QSOX1: variants seen among roughly 807,000 people sequenced by gnomAD.
The protein encoded by QSOX1 is sulfhydryl oxidase 1.
A neutral mutation model predicts 76.1 loss-of-function variants in QSOX1; 40 were observed. The observed-to-expected ratio is 0.53, with a 90% CI of 0.41 to 0.68. The LOEUF (loss-of-function observed/expected upper bound fraction) is 0.68. Ranked by LOEUF, QSOX1 falls within the 30% of genes least tolerant of loss-of-function variation. QSOX1 has a pLI of 0.00. For missense variants in QSOX1, 931 were observed against 974.3 expected (o/e 0.96, Z 0.59); for synonymous variants, 392 against 413.1 (o/e 0.95, Z 0.62).
chr1:180,177,838 C>A (rs529490278), intron 4 of QSOX1, among the ~76,000 whole-genome samples: 23 of 151,516 alleles, frequency 1.5e-4, no homozygotes, highest in South Asian at 1.0e-3. Context: ...GGCTGGGCTC[C>A]AGCATCAATA....
chr1:180,182,437 C>A (rs1035209584), intron 6 of QSOX1, 118 bp downstream of exon 6: 1 of 1,388,086 alleles, frequency 7.2e-7, no homozygotes, highest in Non-Finnish European at 1.0e-6. Context: ...GAAGAGCCCC[C>A]TCAGGAGAAG....
chr1:180,193,419 C>T (rs998377786), intron 10 of QSOX1, among the ~76,000 whole-genome samples: 1 of 151,596 alleles, frequency 6.6e-6, no homozygotes, highest in East Asian at 2.0e-4. Flanking sequence ...CTGCGGGTCT[C>T]ACCTTGCCAG....
Position 180,201,265 on chromosome 1 carries a change from CTA to C in QSOX1, c.*4231_*4232del, listed in dbSNP as rs1663632449. ...ATTCTTGGCCAGAGGAAATCACAGC[CTA>C]TAAGATCAATATCCTGATAGAATCC... On this transcript the variant is annotated 3_prime_UTR_variant, in exon 12 of 12. Transcript: ENST00000367602. 1 of 152,180 alleles carries C rather than the reference CTA, an allele frequency of 6.6e-6. No individual in the cohort carries two copies. Among genetic ancestry groups the C allele is most frequent in the Non-Finnish European group, 1.5e-5 (1 of 68,052 alleles). 9.4% of individuals were successfully genotyped at this position (152,180 alleles called of 1,614,324 possible).
At position 180,175,903 on chromosome 1, in the gene QSOX1, C is replaced by T. The variant is rs1340736702; in HGVS notation, c.413-28C>T. 2.6e-6 allele frequency: 4 copies of T among 1,542,168 alleles called. No homozygotes were observed. The Middle Eastern group carries it at 5.0e-4, about 194-fold the overall frequency. ...TGGAAGCAGCTCTGCTCTCCTGACA[C>T]TCCGCTCACGCCTGTTTTCATTTAC... On this transcript the variant is annotated intron_variant, in intron 3 of 11. Transcript: ENST00000367602.
In QSOX1 at chr1:180,165,878, T is replaced by A. The variant is rs60368570; in HGVS notation, c.266-613T>A. ...GCCAGCAGCCTTGTGGCCCGGGGCC[T>A]GATGCAGGGGCCAGACTCTGGCCTC... On this transcript the variant is annotated intron_variant, in intron 1 of 11. Transcript: ENST00000367602. 4.7e-3 allele frequency among the ~76,000 whole-genome samples: 720 copies of A among 152,372 alleles called. 6 individuals carry two copies. Among genetic ancestry groups the A allele is most frequent in the African/African-American group, 0.016 (670 of 41,596 alleles).
At chr1:180,188,803 CT>C (rs903685112) in intron 8 of QSOX1, among the ~76,000 whole-genome samples, 1 of 152,242 alleles carries the variant, frequency 6.6e-6, no homozygotes, top group Non-Finnish European at 1.5e-5. Context: ...GTGGTTTTAT[CT>C]GATCAGCCTG....
chr1:180,175,299 C>T, intron 2 of QSOX1, 22 bp from the exon 3 acceptor site: 2 of 1,613,698 alleles, frequency 1.2e-6, no homozygotes, highest in South Asian at 2.2e-5. Context: ...TTACTGATGC[C>T]CACCTGTGTG....
rs371203767 is a variant in QSOX1, at chr1:180,175,413, C to T, written c.412+47C>T. 33 of 1,586,616 alleles carry T rather than the reference C, an allele frequency of 2.1e-5. No individual in the cohort carries two copies. The Admixed American group carries it at 2.7e-4, about 13-fold the overall frequency. ...TCCTGTTAGCATCTTCCTCCCCCAACCTCCCTCTTCACCTGGGTTTCTATT... is the reference window on the plus strand; with the variant it reads ...TCCTGTTAGCATCTTCCTCCCCCAATCTCCCTCTTCACCTGGGTTTCTATT... On this transcript the variant is annotated intron_variant, in intron 3 of 11. Coordinates refer to ENST00000367602, the MANE Select transcript of QSOX1 (RefSeq NM_002826.5).
chr1:180,156,026 A>G (rs569017754), intron 1 of QSOX1, among the ~76,000 whole-genome samples: 1 of 152,228 alleles, frequency 6.6e-6, no homozygotes, highest in Non-Finnish European at 1.5e-5. Flanking sequence ...AAACCACTAC[A>G]TGTATAAAGA....
At chr1:180,180,200 ATATT>A (rs1231195655) in intron 5 of QSOX1, among the ~76,000 whole-genome samples, 2 of 152,288 alleles carry the variant, frequency 1.3e-5, no homozygotes, top group Admixed American at 1.3e-4. Flanking sequence ...TAGGAGCTTT[ATATT>A]TATTTATTTA....
chr1:180,166,582 G>T lies in QSOX1; in HGVS notation c.357G>T (p.Pro119=), dbSNP rs759933269. The T allele has an allele frequency of 1.2e-6, 2 of 1,613,658 alleles. No individual in the cohort carries two copies. The highest frequency in any genetic ancestry group is 1.7e-6 in the Non-Finnish European group (2 of 1,179,806). ...GAGACTTCAACATCCCTGGCTTCCC[G>T]ACTGTGAGGGTGTGTGACTGACAGG... The part of the protein sequence containing the change: ...VCRDFNIPGF[P]TVRFFKAFTK... The change falls in exon 2 of 12, where the codon CCG becomes CCT. Residue 119 remains proline (P), a synonymous_variant. Coordinates refer to ENST00000367602, the MANE Select transcript of QSOX1 (RefSeq NM_002826.5).
At position 180,196,204 on chromosome 1, in the gene QSOX1, T is replaced by C; in HGVS notation, c.1469-58T>C. ...TGGCGTTCTGAGTGGAGGAGTGTGG[T>C]CTGGGTTTTTGGGTGGGACTGATGT... On this transcript the variant is annotated intron_variant, in intron 11 of 11. Coordinates refer to ENST00000367602, the MANE Select transcript of QSOX1 (RefSeq NM_002826.5). The surrounding 1 kb of genome is among the most constrained non-coding windows in gnomAD (Gnocchi z 4.1). The C allele has an allele frequency of 6.5e-7, 1 of 1,548,014 alleles. No individual in the cohort carries two copies. The highest frequency in any genetic ancestry group is 8.8e-7 in the Non-Finnish European group (1 of 1,142,178).
rs200373471 is a variant in QSOX1, at chr1:180,195,797, A to C, written c.1469-465A>C. Among the ~76,000 whole-genome samples, 4 of 152,366 alleles carry C rather than the reference A, an allele frequency of 2.6e-5. No individual in the cohort carries two copies. The East Asian group carries it at 7.7e-4, about 29-fold the overall frequency. Reference sequence around the variant, plus strand: ...TTCCCTTGAATTGACAAAGTAACCTATTTGTGCAGTTTGTATAATTTGGAA... The same window carrying C: ...TTCCCTTGAATTGACAAAGTAACCTCTTTGTGCAGTTTGTATAATTTGGAA... On this transcript the variant is annotated intron_variant, in intron 11 of 11. Transcript: ENST00000367602.
chr1:180,177,143 A>G (rs1355162969), intron 4 of QSOX1, among the ~76,000 whole-genome samples: 1 of 151,582 alleles, frequency 6.6e-6, no homozygotes, highest in Non-Finnish European at 1.5e-5. Flanking sequence ...CTGTGTTTCC[A>G]TCTCCCTCCT....
At chr1:180,186,989 A>G (rs989732046) in intron 8 of QSOX1, among the ~76,000 whole-genome samples, 2 of 152,178 alleles carry the variant, frequency 1.3e-5, no homozygotes, top group African/African-American at 2.4e-5. Context: ...GCTGAGTCAG[A>G]TGTGGCTCTG....
At chr1:180,169,437 C>T (rs1205427093) in intron 2 of QSOX1, among the ~76,000 whole-genome samples, 1 of 152,200 alleles carries the variant, frequency 6.6e-6, no homozygotes, top group Non-Finnish European at 1.5e-5. Flanking sequence ...AAATCCAGGC[C>T]TCTCTGCTTA....
chr1:180,166,735 G>T (rs975131923), intron 2 of QSOX1, 144 bp downstream of exon 2: 3 of 778,044 alleles, frequency 3.9e-6, no homozygotes, highest in Non-Finnish European at 6.4e-6. Flanking sequence ...TTGGGCTGGT[G>T]AGAGCTCCCA....
rs1361756105 is a variant in QSOX1 at position 180,183,589 on chromosome 1, C to T, written c.753-327C>T. On this transcript the variant is annotated intron_variant, in intron 6 of 11. Coordinates refer to ENST00000367602, the MANE Select transcript of QSOX1 (RefSeq NM_002826.5). ...ACACTCCGCCGTTCCTGTCTGTGGGCACCGGGCTGTCCCGTGCCTTTCCAT... is the reference window on the plus strand; with the variant it reads ...ACACTCCGCCGTTCCTGTCTGTGGGTACCGGGCTGTCCCGTGCCTTTCCAT... 2.0e-5 allele frequency among the ~76,000 whole-genome samples: 3 copies of T among 152,186 alleles called. No homozygotes were observed. The South Asian group carries it at 6.2e-4, about 32-fold the overall frequency.
Position 180,155,064 on chromosome 1 carries a change from G to A in QSOX1, c.157G>A (p.Ala53Thr). The A allele has an allele frequency of 6.6e-7, 1 of 1,513,444 alleles. No homozygotes were observed. Among genetic ancestry groups the A allele is most frequent in the East Asian group, 2.7e-5 (1 of 37,510 alleles). 93.8% of individuals were successfully genotyped at this position (1,513,444 alleles called of 1,614,324 possible). A position where few individuals can be genotyped will look rare whatever the true frequency, so the allele number is the denominator to read the frequency against. ...TLLQADTVRG[A>T]VLGSRSAWAV... ...GCTGCAGGCGGACACGGTGCGCGGC[G>A]CGGTGCTGGGCTCCCGCAGCGCCTG... The change falls in exon 1 of 12, where the codon GCG becomes ACG. Residue 53 changes from alanine (A) to threonine (T), a missense_variant. Transcript: ENST00000367602.
Sources: gnomAD v4.1 joint callset for allele counts (sites outside exome capture counted in the v4.1 genomes callset) on GRCh38, gnomAD v4.1.1 for gene constraint, Gnocchi (gnomAD v3.1) non-coding constraint, MANE v1.5 for transcripts, NCBI Gene and HGNC (gene_info 2026-07-23, HGNC 2026-07-21) for gene names.